The following F8 variants were observed in gnomAD, a reference collection of about 807,000 sequenced individuals.
F8 encodes the protein coagulation factor VIII.
Under a neutral mutation model 140.6 loss-of-function variants are expected in F8, and 12 were observed. The observed-to-expected ratio is 0.09, with a 90% CI of 0.05 to 0.14. The LOEUF is 0.14. F8 is among the 10% of genes least tolerant of loss of function. F8 has a pLI of 1.00. For synonymous variants in F8, 585 were observed against 614.6 expected, an observed-to-expected ratio of 0.95 and a Z score of 0.71; for missense variants, 1,354 against 1,720.7, an observed-to-expected ratio of 0.79 and a Z score of 3.77.
intron 1 of F8, among the ~76,000 whole-genome samples, chrX:155,008,505 G>T (rs2073688665): frequency 8.9e-6 from 1 of 111,963 alleles, no homozygotes; most frequent in South Asian, 3.7e-4. Context: ...CAGGGCGCGG[G>T]CAGGAGCGTG....
At chrX:154,897,390 G>A (rs1044920616) in intron 21 of F8, among the ~76,000 whole-genome samples, 1 of 112,879 alleles carries the variant, frequency 8.9e-6, no homozygotes, top group Non-Finnish European at 1.9e-5. Context: ...GCCAAGCACT[G>A]TTTTAGATAC....
chrX:154,867,377 A>C (rs2072738886), intron 22 of F8, among the ~76,000 whole-genome samples: 1 of 111,248 alleles, frequency 9.0e-6, no homozygotes, highest in African/African-American at 3.3e-5. Flanking sequence ...AGGCAAAAAC[A>C]ACACTAGAAA....
At chrX:154,981,656 T>A (rs781967229) in intron 6 of F8, among the ~76,000 whole-genome samples, 3 of 111,444 alleles carry the variant, frequency 2.7e-5, no homozygotes, top group Non-Finnish European at 5.6e-5. Flanking sequence ...TTATCTCTTT[T>A]AATTCTTATC....
chrX:154,853,416 C>A (rs896225401), intron 25 of F8, among the ~76,000 whole-genome samples: 2 of 111,176 alleles, frequency 1.8e-5, no homozygotes, highest in Non-Finnish European at 3.8e-5. Flanking sequence ...ATGTCAATAT[C>A]TGGTGTTCTT....
intron 6 of F8, among the ~76,000 whole-genome samples, chrX:154,973,739 T>G: frequency 8.9e-6 from 1 of 112,437 alleles, no homozygotes; most frequent in Middle Eastern, 4.6e-3. Flanking sequence ...GGTGTAGTTT[T>G]GGCAGTTTTC....
intron 4 of F8, among the ~76,000 whole-genome samples, chrX:154,992,317 G>A (rs1391181101): frequency 2.7e-5 from 3 of 112,104 alleles, no homozygotes; most frequent in Non-Finnish European, 5.6e-5. Context: ...AAAAGGTACA[G>A]TGAAGCTGAT....
chrX:154,877,454 G>A (rs1339047039), intron 22 of F8, among the ~76,000 whole-genome samples: 3 of 111,459 alleles, frequency 2.7e-5, no homozygotes, highest in African/African-American at 9.8e-5. Context: ...GAATGTGTGT[G>A]GCCTCTAGAA....
chrX:154,852,400 T>C (rs2072623070), intron 25 of F8, among the ~76,000 whole-genome samples: 1 of 111,870 alleles, frequency 8.9e-6, no homozygotes, highest in Admixed American at 9.5e-5. Flanking sequence ...ATGGTAAAGA[T>C]CCAACTTCAT....
chrX:154,950,292 G>A (rs1398674195), intron 12 of F8, among the ~76,000 whole-genome samples: 1 of 111,918 alleles, frequency 8.9e-6, no homozygotes, highest in Non-Finnish European at 1.9e-5. Context: ...GCCGATGTTT[G>A]GCTTTCGATG....
At chrX:154,981,841 G>C (rs2073523858) in intron 6 of F8, among the ~76,000 whole-genome samples, 1 of 110,822 alleles carries the variant, frequency 9.0e-6, no homozygotes, top group East Asian at 2.8e-4. Context: ...GGACCACATA[G>C]GGTAAAAATA....
intron 12 of F8, among the ~76,000 whole-genome samples, chrX:154,951,149 T>C (rs1284288560): frequency 8.9e-6 from 1 of 112,256 alleles, no homozygotes; most frequent in Non-Finnish European, 1.9e-5. Context: ...ATCATGTGCC[T>C]TCTATCTTCT....
chrX:154,975,041 A>G (rs950721529), intron 6 of F8, among the ~76,000 whole-genome samples: 5 of 111,362 alleles, frequency 4.5e-5, no homozygotes, highest in African/African-American at 1.6e-4. Flanking sequence ...TAACTAACTC[A>G]TTATACTGAT....
intron 25 of F8, among the ~76,000 whole-genome samples, chrX:154,842,016 T>C (rs2072525652): frequency 8.9e-6 from 1 of 112,075 alleles, no homozygotes; most frequent in South Asian, 3.6e-4. Flanking sequence ...TGGTAGAATA[T>C]AGTTAGTGTA....
In F8 at chrX:154,966,438, G is replaced by T. The variant is rs2073424252; in HGVS notation, c.1259C>A (p.Ala420Asp). ...EDWDYAPLVL[A>D]PDDRSYKSQY... The stretch of plus-strand genomic sequence containing the variant: ...AAAAAGTGCTTACCTGTCATCGGGG[G>T]CGAGGACTAAGGGAGCATAGTCCCA... Residue 420 changes from alanine to aspartate, a missense_variant, in exon 8 of 26, where the codon GCC (alanine) becomes GAC (aspartate). Ala to Asp is a moderately radical substitution (Grantham distance 126, BLOSUM62 -2). Transcript: ENST00000360256. 8.3e-7 allele frequency: 1 copy of T among 1,211,070 alleles called. No individual in the cohort carries two copies. Among genetic ancestry groups the T allele is most frequent in the African/African-American group, 1.7e-5 (1 of 57,644 alleles).
intron 4 of F8, among the ~76,000 whole-genome samples, chrX:154,989,291 A>G (rs1327943086): frequency 1.8e-5 from 2 of 111,989 alleles, no homozygotes; most frequent in Non-Finnish European, 3.8e-5. Flanking sequence ...GTATAGGTCT[A>G]TAACTTTTAA....
At chrX:154,897,359 A>AT (rs2072987461) in intron 21 of F8, among the ~76,000 whole-genome samples, 1 of 112,889 alleles carries the variant, frequency 8.9e-6, no homozygotes, top group Non-Finnish European at 1.9e-5. Context: ...TTCAAAGAAT[A>AT]TTTTTTAGCA....
In F8 at chrX:154,942,229, C is replaced by A. The variant is rs1238661107; in HGVS notation, c.2113+5469G>T. Among the ~76,000 whole-genome samples, 12 of 109,257 alleles carry A rather than the reference C, an allele frequency of 1.1e-4. No individual in the cohort carries two copies. In the South Asian group the frequency reaches 1.2e-3, roughly 11 times the overall value. The allele number at this position is 109,257 out of a possible 115,157, so 94.9% of individuals were successfully genotyped here. A position where few individuals can be genotyped will look rare whatever the true frequency, so the allele number is the denominator to read the frequency against. Reference sequence around the variant, plus strand: ...TTCAAAAAATTAATGAATCCAGGAGCTGGTTTTTTGAAAGGATCAACAGAA... The same window carrying A: ...TTCAAAAAATTAATGAATCCAGGAGATGGTTTTTTGAAAGGATCAACAGAA... On this transcript the variant is annotated intron_variant, in intron 13 of 25. Coordinates refer to ENST00000360256, the MANE Select transcript of F8 (RefSeq NM_000132.4).
intron 12 of F8, among the ~76,000 whole-genome samples, chrX:154,951,693 T>C (rs1204343546): frequency 1.8e-5 from 2 of 110,911 alleles, no homozygotes; most frequent in Non-Finnish European, 3.8e-5. Flanking sequence ...TCCTTTTTTT[T>C]CTTCTTTTCT....
rs782459234 is a variant in F8 at position 154,947,813 on chromosome X, G to A, written c.1998C>T (p.Asp666=). The part of the protein sequence containing the change: ...WYILSIGAQT[D]FLSVFFSGYT... ...ATCCAGAGAAGAAGACAGAAAGGAAGTCAGTCTGTGCTCCAATGCTTAGAA... is the reference window on the plus strand; with the variant it reads ...ATCCAGAGAAGAAGACAGAAAGGAAATCAGTCTGTGCTCCAATGCTTAGAA... Residue 666 remains aspartate, a synonymous_variant, in exon 13 of 26, where the codon GAC becomes GAT. Transcript: ENST00000360256. The A allele has an allele frequency of 1.3e-5, 16 of 1,208,277 alleles. No individual in the cohort carries two copies. The South Asian group carries it at 2.5e-4, about 19-fold the overall frequency.
Sources: allele counts gnomAD v4.1 joint callset (sites outside exome capture counted in the v4.1 genomes callset), GRCh38; gene constraint gnomAD v4.1.1; transcripts MANE v1.5; gene names NCBI Gene and HGNC (gene_info 2026-07-23, HGNC 2026-07-21).